Variants in LDB2 observed in about 807,000 individuals in gnomAD.
The protein encoded by LDB2 is LIM domain binding 2, also known as LIM domain-binding protein 2.
A neutral mutation model predicts 44.3 loss-of-function variants in LDB2; 12 were observed. The observed-to-expected ratio is 0.27, with a 90% CI of 0.17 to 0.44. The LOEUF is 0.44. LDB2 is among the 20% of genes least tolerant of loss of function. The pLI, the probability that LDB2 is intolerant of heterozygous loss-of-function variation, is 1.00. For synonymous variants in LDB2, 164 were observed against 174.8 expected, an observed-to-expected ratio of 0.94 and a Z score of 0.49; for missense variants, 344 against 473.5, an observed-to-expected ratio of 0.73 and a Z score of 2.54.
intron 2 of LDB2, among the ~76,000 whole-genome samples, chr4:16,599,356 T>C (rs1220195493): frequency 2.0e-5 from 3 of 152,130 alleles, no homozygotes; most frequent in African/African-American, 4.8e-5. Context: ...TAGTGGGAAG[T>C]TGGGGCCTGG....
chr4:16,502,539 T>A lies in LDB2; in HGVS notation c.*104A>T. 1 of 1,420,656 alleles carries A rather than the reference T, an allele frequency of 7.0e-7. No homozygotes were observed. The allele number at this position is 1,420,656 out of a possible 1,614,324, so 88.0% of individuals were successfully genotyped here. On this transcript the variant is annotated 3_prime_UTR_variant, in exon 8 of 8. Coordinates refer to ENST00000304523, the MANE Select transcript of LDB2 (RefSeq NM_001290.5). ...TGTGGTTTAGAAATAGATATTTGCATGGAAAAGTTTTTATCTCTTCTGTTT... is the reference window on the plus strand; with the variant it reads ...TGTGGTTTAGAAATAGATATTTGCAAGGAAAAGTTTTTATCTCTTCTGTTT...
At chr4:16,510,962 G>T (rs1262414217) in intron 6 of LDB2, among the ~76,000 whole-genome samples, 1 of 151,946 alleles carries the variant, frequency 6.6e-6, no homozygotes, top group African/African-American at 2.4e-5. Context: ...AGCGTTAAAA[G>T]AAAAAATAAA....
chr4:16,688,917 G>T (rs1749912820), intron 2 of LDB2, among the ~76,000 whole-genome samples: 1 of 152,156 alleles, frequency 6.6e-6, no homozygotes, highest in Admixed American at 6.5e-5. Context: ...TCTGCATCAG[G>T]CAAAGTCTAT....
chr4:16,880,953 T>A (rs1315250615), intron 1 of LDB2, among the ~76,000 whole-genome samples: 1 of 150,722 alleles, frequency 6.6e-6, no homozygotes, highest in Non-Finnish European at 1.5e-5. Flanking sequence ...CAGGTGAGGT[T>A]CCCAACCTCA....
chr4:16,855,012 A>AG (rs149061331), intron 1 of LDB2, among the ~76,000 whole-genome samples: 32,495 of 151,932 alleles, frequency 0.21, 3,887 homozygotes, highest in South Asian at 0.39. Flanking sequence ...ACAACCCAAT[A>AG]GAAAAAATGG....
intron 5 of LDB2, among the ~76,000 whole-genome samples, chr4:16,573,602 T>G (rs890713927): frequency 2.0e-5 from 3 of 152,328 alleles, no homozygotes; most frequent in Admixed American, 2.0e-4. Flanking sequence ...ACACTTTGAA[T>G]AGCAGCTTTT....
At chr4:16,580,054 G>A (rs1713721528) in intron 5 of LDB2, among the ~76,000 whole-genome samples, 1 of 152,188 alleles carries the variant, frequency 6.6e-6, no homozygotes, top group Non-Finnish European at 1.5e-5. Flanking sequence ...GGAGGATTTA[G>A]CCTGGGAAAA....
chr4:16,508,002 C>A (rs192302228), intron 7 of LDB2, among the ~76,000 whole-genome samples: 1 of 152,280 alleles, frequency 6.6e-6, no homozygotes, highest in African/African-American at 2.4e-5. Flanking sequence ...GAGGCTGATC[C>A]TCCCCCTTAG....
chr4:16,659,633 A>G (rs1740903034), intron 2 of LDB2, among the ~76,000 whole-genome samples: 1 of 98,828 alleles, frequency 1.0e-5, no homozygotes, highest in Non-Finnish European at 2.3e-5. Context: ...TACATAGTTT[A>G]TATATATACA....
chr4:16,725,319 T>C (rs1045958477), intron 2 of LDB2, among the ~76,000 whole-genome samples: 8 of 150,934 alleles, frequency 5.3e-5, no homozygotes, highest in African/African-American at 2.0e-4. Flanking sequence ...GAGAGAGAGA[T>C]TGAATATGCC....
In LDB2 at chr4:16,596,909, T is replaced by C. The variant is rs76268239; in HGVS notation, c.236-1034A>G. 2.4e-3 allele frequency among the ~76,000 whole-genome samples: 370 copies of C among 152,300 alleles called. 12 individuals are homozygous for C. The East Asian group carries it at 0.057, about 23-fold the overall frequency. ...ATCAGGAATTTTGCCTATGTGCAGATTTTAAGGCAAAGTTCTAAAGCACTC... is the reference window on the plus strand; with the variant it reads ...ATCAGGAATTTTGCCTATGTGCAGACTTTAAGGCAAAGTTCTAAAGCACTC... On this transcript the variant is annotated intron_variant, in intron 2 of 7. Transcript: ENST00000304523.
At chr4:16,544,828 G>A (rs1041468074) in intron 5 of LDB2, among the ~76,000 whole-genome samples, 1 of 152,168 alleles carries the variant, frequency 6.6e-6, no homozygotes, top group Non-Finnish European at 1.5e-5. Context: ...TGACTTTACA[G>A]GAGAAGTGGA....
intron 2 of LDB2, among the ~76,000 whole-genome samples, chr4:16,695,596 G>A (rs1247596901): frequency 6.6e-6 from 1 of 152,082 alleles, no homozygotes; most frequent in Non-Finnish European, 1.5e-5. Context: ...ATTGAACTAG[G>A]GATTGTCAAT....
intron 2 of LDB2, among the ~76,000 whole-genome samples, chr4:16,607,599 G>A (rs1560613919): frequency 1.3e-5 from 2 of 152,004 alleles, no homozygotes; most frequent in African/African-American, 4.8e-5. Context: ...CACTATGCAC[G>A]TGAAGTGCTT....
chr4:16,856,346 A>G (rs1789340999), intron 1 of LDB2, among the ~76,000 whole-genome samples: 1 of 152,192 alleles, frequency 6.6e-6, no homozygotes, highest in Admixed American at 6.5e-5. Flanking sequence ...CAAAATTAAT[A>G]ATATCAAGTG....
At chr4:16,894,744 T>C (rs1457315696) in intron 1 of LDB2, among the ~76,000 whole-genome samples, 3 of 152,252 alleles carry the variant, frequency 2.0e-5, no homozygotes, top group Middle Eastern at 3.4e-3. Context: ...CTAATTTAAA[T>C]GCATTGGTTT....
chr4:16,677,022 T>G (rs190395629), intron 2 of LDB2, among the ~76,000 whole-genome samples: 1 of 152,328 alleles, frequency 6.6e-6, no homozygotes, highest in Non-Finnish European at 1.5e-5. Flanking sequence ...GCAGTGAATT[T>G]GAGAAAGTCC....
intron 2 of LDB2, among the ~76,000 whole-genome samples, chr4:16,741,302 G>A (rs907888016): frequency 6.6e-6 from 1 of 152,232 alleles, no homozygotes; most frequent in Non-Finnish European, 1.5e-5. Flanking sequence ...TCACTAGCAA[G>A]TATAGTGCCA....
At chr4:16,548,942 C>T (rs758365164) in intron 5 of LDB2, among the ~76,000 whole-genome samples, 7 of 152,148 alleles carry the variant, frequency 4.6e-5, no homozygotes, top group Admixed American at 2.6e-4. Flanking sequence ...AACAAGACCC[C>T]AAGACCTATG....
Sources: allele counts gnomAD v4.1 joint callset (sites outside exome capture counted in the v4.1 genomes callset), GRCh38; gene constraint gnomAD v4.1.1; transcripts MANE v1.5; gene names NCBI Gene and HGNC (gene_info 2026-07-23, HGNC 2026-07-21).